CNTN5: variants seen among roughly 807,000 people sequenced by gnomAD.
CNTN5 encodes the protein contactin 5.
In CNTN5, 77 loss-of-function variants were observed where a neutral mutation model predicts 129.1. The ratio of observed to expected loss-of-function variants is 0.60; its 90% CI spans 0.50 to 0.72. The LOEUF (loss-of-function observed/expected upper bound fraction) is 0.72. Among genes scored for constraint, CNTN5 ranks in the 30% least tolerant of loss-of-function variants. The pLI is 0.00. For missense variants in CNTN5, 1,478 were observed against 1,328.8 expected, an observed-to-expected ratio of 1.11 and a Z score of -1.75; for synonymous variants, 509 against 465.6, an observed-to-expected ratio of 1.09 and a Z score of -1.20.
intron 8 of CNTN5, among the ~76,000 whole-genome samples, chr11:99,960,584 A>T (rs531677190): frequency 6.6e-6 from 1 of 152,336 alleles, no homozygotes; most frequent in South Asian, 2.1e-4. Flanking sequence ...ACTTTGAATT[A>T]AATATAACCT....
intron 1 of CNTN5, among the ~76,000 whole-genome samples, chr11:99,071,120 C>A (rs1865323999): frequency 2.0e-5 from 3 of 152,110 alleles, no homozygotes; most frequent in Non-Finnish European, 4.4e-5. Flanking sequence ...GGGTTATATT[C>A]ATGATCTCAT....
rs549328616 is a variant in CNTN5, at chr11:100,072,580, C to T, written c.1429+746C>T. On this transcript the variant is annotated intron_variant, in intron 12 of 24. Coordinates refer to ENST00000524871, the MANE Select transcript of CNTN5 (RefSeq NM_014361.4). ...ATACTCACTCATTGTCTTTCCAAAG[C>T]GGGCAGAAGCCCAAGTGTGTTTTCT... Among the ~76,000 whole-genome samples the T allele has an allele frequency of 6.6e-5, 10 of 152,286 alleles. No individual in the cohort carries two copies. In the East Asian group the frequency reaches 1.4e-3, roughly 21 times the overall value.
At chr11:99,119,649 A>G (rs1211658339) in intron 1 of CNTN5, among the ~76,000 whole-genome samples, 1 of 152,172 alleles carries the variant, frequency 6.6e-6, no homozygotes. Context: ...TTCGGTATAA[A>G]CGCAGTTATG....
At chr11:99,360,882 T>A (rs888457956) in intron 2 of CNTN5, among the ~76,000 whole-genome samples, 13 of 152,238 alleles carry the variant, frequency 8.5e-5, no homozygotes, top group African/African-American at 3.1e-4. Context: ...TTACAAATTT[T>A]ATCAATTCAT....
At chr11:99,027,671 G>A (rs1863164984) in intron 1 of CNTN5, among the ~76,000 whole-genome samples, 1 of 151,594 alleles carries the variant, frequency 6.6e-6, no homozygotes, top group Non-Finnish European at 1.5e-5. Context: ...CAGTAGAACT[G>A]AATATGATAA....
intron 13 of CNTN5, among the ~76,000 whole-genome samples, chr11:100,123,808 T>C (rs1946099225): frequency 6.6e-6 from 1 of 152,020 alleles, no homozygotes; most frequent in South Asian, 2.1e-4. Flanking sequence ...TACTATAAAA[T>C]TGAGTTAACC....
At chr11:100,191,331 C>A in intron 14 of CNTN5, 78 bp downstream of exon 14, 1 of 1,268,818 alleles carries the variant, frequency 7.9e-7, no homozygotes, top group Non-Finnish European at 1.1e-6. Context: ...AATATAAATG[C>A]ATATATGTTT....
At chr11:100,122,542 A>G (rs1946059681) in intron 13 of CNTN5, among the ~76,000 whole-genome samples, 1 of 152,104 alleles carries the variant, frequency 6.6e-6, no homozygotes. Flanking sequence ...TAACAATCAA[A>G]GAAGTCCAAT....
At chr11:99,680,629 C>A (rs1370368934) in intron 3 of CNTN5, among the ~76,000 whole-genome samples, 1 of 151,728 alleles carries the variant, frequency 6.6e-6, no homozygotes, top group African/African-American at 2.4e-5. Context: ...GTGATGAATT[C>A]TATTTTCATG....
intron 2 of CNTN5, among the ~76,000 whole-genome samples, chr11:99,523,589 CAAAG>C (rs1183576063): frequency 2.4e-4 from 35 of 146,498 alleles, no homozygotes; most frequent in African/African-American, 8.5e-4. Context: ...GACCCCATCT[CAAAG>C]AAAGATAGAA....
At chr11:99,704,562 G>A (rs1483935560) in intron 3 of CNTN5, among the ~76,000 whole-genome samples, 1 of 150,914 alleles carries the variant, frequency 6.6e-6, no homozygotes, top group Non-Finnish European at 1.5e-5. Context: ...GATTCTAAAT[G>A]TGTGTAATAA....
At chr11:99,102,289 G>A (rs1003954405) in intron 1 of CNTN5, among the ~76,000 whole-genome samples, 3 of 150,052 alleles carry the variant, frequency 2.0e-5, no homozygotes, top group Non-Finnish European at 2.9e-5. Flanking sequence ...TCTCTGACAT[G>A]CCCTGGAGAC....
At chr11:100,099,826 C>A (rs889407743) in intron 13 of CNTN5, among the ~76,000 whole-genome samples, 1 of 151,992 alleles carries the variant, frequency 6.6e-6, no homozygotes, top group Non-Finnish European at 1.5e-5. Context: ...TACTAAGTTA[C>A]GTGTTATCTC....
chr11:99,486,738 A>G (rs1416399263), intron 2 of CNTN5, among the ~76,000 whole-genome samples: 1 of 152,138 alleles, frequency 6.6e-6, no homozygotes, highest in Non-Finnish European at 1.5e-5. Flanking sequence ...TGTTGTTGTC[A>G]TCTTAACTTC....
At chr11:99,673,895 T>C (rs1953157549) in intron 3 of CNTN5, among the ~76,000 whole-genome samples, 1 of 152,216 alleles carries the variant, frequency 6.6e-6, no homozygotes, top group Non-Finnish European at 1.5e-5. Flanking sequence ...CTATTGTGAA[T>C]AGTGCTGCAA....
At chr11:99,652,170 A>C (rs1952181027) in intron 3 of CNTN5, among the ~76,000 whole-genome samples, 1 of 152,016 alleles carries the variant, frequency 6.6e-6, no homozygotes, top group African/African-American at 2.4e-5. Context: ...AATTCAGTTT[A>C]CTGAGGTTAA....
At chr11:100,236,142 G>A (rs1349110138) in intron 16 of CNTN5, among the ~76,000 whole-genome samples, 7 of 152,194 alleles carry the variant, frequency 4.6e-5, no homozygotes, top group Non-Finnish European at 7.4e-5. Flanking sequence ...TCACGTGCAC[G>A]GATGATCAAA....
At chr11:99,493,443 C>T (rs760806619) in intron 2 of CNTN5, among the ~76,000 whole-genome samples, 6 of 152,182 alleles carry the variant, frequency 3.9e-5, no homozygotes, top group Admixed American at 6.5e-5. Context: ...TATTGAGTAT[C>T]GATAATTCTA....
intron 3 of CNTN5, among the ~76,000 whole-genome samples, chr11:99,782,748 A>T (rs1274974209): frequency 1.3e-5 from 2 of 152,030 alleles, no homozygotes; most frequent in Non-Finnish European, 2.9e-5. Context: ...TATTTAATAA[A>T]TGGACATGGG....
Sources: allele counts gnomAD v4.1 joint callset (sites outside exome capture counted in the v4.1 genomes callset), GRCh38; gene constraint gnomAD v4.1.1; transcripts MANE v1.5; gene names NCBI Gene and HGNC (gene_info 2026-07-23, HGNC 2026-07-21).